The following PNPLA4 variants were observed in gnomAD, a reference collection of about 807,000 sequenced individuals.
PNPLA4 encodes patatin like domain 4, phospholipase and triacylglycerol lipase, also known as patatin-like phospholipase domain-containing protein 4.
A neutral mutation model predicts 18.3 loss-of-function variants in PNPLA4; 15 were observed. The ratio of observed to expected loss-of-function variants is 0.82; its 90% confidence interval spans 0.55 to 1.26. PNPLA4 has a LOEUF of 1.26. Among genes scored for constraint, PNPLA4 ranks in the 50% most tolerant of loss-of-function variants. The probability of loss-of-function intolerance (pLI) is 0.00; values close to 1 mark genes in which losing one functional copy is unlikely to be tolerated. For missense variants in PNPLA4, 229 were observed against 196.8 expected (o/e 1.16, Z -0.98); for synonymous variants, 88 against 85.6 (o/e 1.03, Z -0.16).
At position 7,899,300 on chromosome X, in the gene PNPLA4, G is replaced by T. The variant is rs1413881759; in HGVS notation, c.*1386C>A. On this transcript the variant is annotated 3_prime_UTR_variant, in exon 7 of 7. Coordinates refer to ENST00000381042, the MANE Select transcript of PNPLA4 (RefSeq NM_004650.3). ...ACAATTGAAGACATGGAATTAAATT[G>T]GTTTGTCTCTAACTGCCTCTTAGTA... 9.0e-6 allele frequency: 1 copy of T among 111,047 alleles called. No individual in the cohort carries two copies. The highest frequency in any genetic ancestry group is 3.3e-5 in the African/African-American group (1 of 30,481). 9.2% of individuals were successfully genotyped at this position (111,047 alleles called of 1,213,427 possible).
chrX:7,922,773 C>G (rs751871122), intron 2 of PNPLA4, among the ~76,000 whole-genome samples: 1 of 111,631 alleles, frequency 9.0e-6, no homozygotes, highest in African/African-American at 3.3e-5. Flanking sequence ...AGTCTCAGAG[C>G]CAGAATTTAC....
chrX:7,906,308 T>G (rs1279015393), intron 5 of PNPLA4, among the ~76,000 whole-genome samples: 1 of 111,751 alleles, frequency 8.9e-6, no homozygotes, highest in African/African-American at 3.3e-5. Flanking sequence ...ATGAGATTTT[T>G]TAATCAAAGA....
intron 6 of PNPLA4, 88 bp from the exon 7 acceptor site, chrX:7,900,905 C>T (rs1923511621): frequency 1.4e-6 from 1 of 740,687 alleles, no homozygotes; most frequent in Non-Finnish European, 1.9e-6. Flanking sequence ...TTTCTTATCA[C>T]AGATACAATT....
At chrX:7,916,406 G>A (rs936309109) in intron 4 of PNPLA4, among the ~76,000 whole-genome samples, 1 of 107,727 alleles carries the variant, frequency 9.3e-6, no homozygotes, top group African/African-American at 3.4e-5. Context: ...TGTGTAGAGC[G>A]GCACACCAGG....
chrX:7,906,063 C>A (rs5980307), intron 5 of PNPLA4, among the ~76,000 whole-genome samples: 1 of 111,987 alleles, frequency 8.9e-6, no homozygotes, highest in African/African-American at 3.2e-5. Flanking sequence ...TGGGGCAGGG[C>A]AAATTAGAAC....
At chrX:7,925,287 C>T (rs1373967546) in intron 2 of PNPLA4, among the ~76,000 whole-genome samples, 5 of 112,195 alleles carry the variant, frequency 4.5e-5, no homozygotes, top group East Asian at 5.6e-4. Flanking sequence ...TGCTAGAGTA[C>T]GTAATGATTA....
At chrX:7,901,348 G>A (rs935757266) in intron 6 of PNPLA4, among the ~76,000 whole-genome samples, 6 of 111,869 alleles carry the variant, frequency 5.4e-5, no homozygotes, top group African/African-American at 1.3e-4. Flanking sequence ...TTGAGAGGCC[G>A]AGGCAGGTGG....
In PNPLA4 at chrX:7,898,327, G is replaced by A. The variant is rs1391177878; in HGVS notation, c.*2359C>T. On this transcript the variant is annotated 3_prime_UTR_variant, in exon 7 of 7. Transcript: ENST00000381042. ...CAGGGAATTGGGAATTTATCAAGCT[G>A]CCAATCACAGTAATTACCCTGCAAA... 1 of 111,732 alleles carries A rather than the reference G, an allele frequency of 8.9e-6. No homozygotes were observed. Among genetic ancestry groups the A allele is most frequent in the Non-Finnish European group, 1.9e-5 (1 of 53,129 alleles). The allele number at this position is 111,732 out of a possible 1,213,427, so 9.2% of individuals were successfully genotyped here. A position where few individuals can be genotyped will look rare whatever the true frequency, so the allele number is the denominator to read the frequency against.
intron 5 of PNPLA4, among the ~76,000 whole-genome samples, chrX:7,905,669 T>C (rs1417834867): frequency 8.9e-6 from 1 of 112,722 alleles, no homozygotes; most frequent in Non-Finnish European, 1.9e-5. Flanking sequence ...ACATGTATAA[T>C]TTAATATGCG....
chrX:7,922,625 G>A (rs1360495538), intron 2 of PNPLA4, among the ~76,000 whole-genome samples: 1 of 111,975 alleles, frequency 8.9e-6, no homozygotes, highest in Non-Finnish European at 1.9e-5. Flanking sequence ...GTCTACCCTG[G>A]ACTGGGATCC....
At chrX:7,924,578 C>T (rs1178479632) in intron 2 of PNPLA4, among the ~76,000 whole-genome samples, 2 of 111,864 alleles carry the variant, frequency 1.8e-5, no homozygotes, top group Non-Finnish European at 3.8e-5. Context: ...ACCTTTTCAT[C>T]ATACCAGCAC....
intron 2 of PNPLA4, among the ~76,000 whole-genome samples, chrX:7,924,437 C>T (rs1396633673): frequency 8.9e-6 from 1 of 112,142 alleles, no homozygotes; most frequent in Admixed American, 9.5e-5. Context: ...AATAAAGGAA[C>T]TAAAATAACC....
Position 7,922,112 on chromosome X carries a change from A to G in PNPLA4, c.181-14T>C, listed in dbSNP as rs1158712730. 5 of 1,085,739 alleles carry G rather than the reference A, an allele frequency of 4.6e-6. No homozygotes were observed. The East Asian group carries it at 1.5e-4, about 33-fold the overall frequency. The allele number at this position is 1,085,739 out of a possible 1,213,427, so 89.5% of individuals were successfully genotyped here. A position where few individuals can be genotyped will look rare whatever the true frequency, so the allele number is the denominator to read the frequency against. On this transcript the variant is annotated splice_polypyrimidine_tract_variant and intron_variant, in intron 2 of 6. Transcript: ENST00000381042. ...TTGGTTACATTCCTAAAAAAAGAAA[A>G]TTAAGAAGTGACCCTAGGTGTTGTA...
chrX:7,925,958 T>C lies in PNPLA4; in HGVS notation c.162A>G (p.Thr54=), dbSNP rs1306911805. 1 of 1,210,463 alleles carries C rather than the reference T, an allele frequency of 8.3e-7. No homozygotes were observed. The highest frequency in any genetic ancestry group is 1.8e-5 in the South Asian group (1 of 56,819). Residue 54 remains threonine, a synonymous_variant, in exon 2 of 7, where the codon ACA becomes ACG. Transcript: ENST00000381042. Reference sequence around the variant, plus strand: ...TAATTACCTCTATTTTTTCTGGTGCTGTTAGCAGAACAGAAGCAACCAACG... The same window carrying C: ...TAATTACCTCTATTTTTTCTGGTGCCGTTAGCAGAACAGAAGCAACCAACG... ...AGSLVASVLL[T]APEKIEECNQ...
At chrX:7,926,805 T>A (rs766625347) in intron 1 of PNPLA4, among the ~76,000 whole-genome samples, 17 of 112,306 alleles carry the variant, frequency 1.5e-4, no homozygotes, top group Non-Finnish European at 1.5e-4. Flanking sequence ...TTGGAACACA[T>A]CTAAATACAA....
intron 4 of PNPLA4, among the ~76,000 whole-genome samples, chrX:7,914,416 G>A (rs1261046490): frequency 1.8e-5 from 2 of 111,774 alleles, no homozygotes; most frequent in African/African-American, 6.5e-5. Context: ...ATTGGCTTCA[G>A]AGAAAGGTTG....
chrX:7,919,073 A>G (rs1399589467), intron 4 of PNPLA4, among the ~76,000 whole-genome samples: 2 of 112,724 alleles, frequency 1.8e-5, no homozygotes, highest in Admixed American at 9.4e-5. Flanking sequence ...TTCTCCTTAC[A>G]AAGTATTACA....
At chrX:7,900,892 G>A in intron 6 of PNPLA4, 75 bp from the exon 7 acceptor site, 2 of 824,039 alleles carry the variant, frequency 2.4e-6, no homozygotes, top group Non-Finnish European at 3.3e-6. Flanking sequence ...TTATAATCTA[G>A]GTTTTCTTAT....
intron 2 of PNPLA4, among the ~76,000 whole-genome samples, chrX:7,922,827 C>CA (rs1924274301): frequency 9.0e-6 from 1 of 111,620 alleles, no homozygotes; most frequent in Non-Finnish European, 1.9e-5. Flanking sequence ...ATTTGGCAAC[C>CA]AACTGGGCAC....
Sources: gnomAD v4.1 joint callset for allele counts (sites outside exome capture counted in the v4.1 genomes callset) on GRCh38, gnomAD v4.1.1 for gene constraint, MANE v1.5 for transcripts, NCBI Gene and HGNC (gene_info 2026-07-23, HGNC 2026-07-21) for gene names.